Variants in GPI observed in about 807,000 individuals in gnomAD.
GPI encodes glucose-6-phosphate isomerase.
Under a neutral mutation model 75.8 loss-of-function variants are expected in GPI, and 56 were observed. The observed-to-expected ratio is 0.74, with a 90% CI of 0.60 to 0.92. The LOEUF (loss-of-function observed/expected upper bound fraction) is 0.92. Ranked by LOEUF, GPI falls within the 40% of genes least tolerant of loss-of-function variation. The pLI is 0.00. For synonymous variants in GPI, 288 were observed against 285.4 expected (o/e 1.01, Z -0.09); for missense variants, 638 against 741.0 (o/e 0.86, Z 1.61).
Position 34,379,510 on chromosome 19 carries a change from T to C in GPI, c.706-8T>C. On this transcript the variant is annotated splice_region_variant and splice_polypyrimidine_tract_variant and intron_variant, in intron 7 of 17. Transcript: ENST00000356487. ...CTGGCTGTGGTAACTTGGCTCTGTCTCTTGTAGCCTTCTGCAGTGGCGAAG... is the reference window on the plus strand; with the variant it reads ...CTGGCTGTGGTAACTTGGCTCTGTCCCTTGTAGCCTTCTGCAGTGGCGAAG... The C allele has an allele frequency of 6.2e-7, 1 of 1,613,924 alleles. No individual in the cohort carries two copies. The highest frequency in any genetic ancestry group is 1.1e-5 in the South Asian group (1 of 91,076).
At chr19:34,362,617 A>G (rs555577358), upstream of GPI, among the ~76,000 whole-genome samples, 1 of 152,170 alleles carries the variant, frequency 6.6e-6, no homozygotes, top group South Asian at 2.1e-4. Context: ...TGACAACTGA[A>G]CTCCAAACAG....
In GPI at chr19:34,365,230, G is replaced by C. The variant is rs759987877; in HGVS notation, c.-37G>C. 2.1e-6 allele frequency: 3 copies of C among 1,446,574 alleles called. No individual in the cohort carries two copies. The highest frequency in any genetic ancestry group is 1.5e-5 in the South Asian group (1 of 67,232). 89.6% of individuals were successfully genotyped at this position (1,446,574 alleles called of 1,614,324 possible). ...GCGCTGCCGGCGCTCCTTCCTCCTC[G>C]GCTCGCGTCTCACTCAGTGTACCTT... On this transcript the variant is annotated 5_prime_UTR_variant, in exon 1 of 18. Coordinates refer to ENST00000356487, the MANE Select transcript of GPI (RefSeq NM_000175.5).
intron 9 of GPI, among the ~76,000 whole-genome samples, chr19:34,388,493 A>C (rs1159619600): frequency 9.8e-5 from 13 of 132,660 alleles, no homozygotes; most frequent in African/African-American, 3.9e-4. Context: ...AAAGAAAGTG[A>C]GTAAAGTGAG....
At chr19:34,384,013 C>CAGACAGGTTTG (rs2074695332) in intron 9 of GPI, among the ~76,000 whole-genome samples, 1 of 152,106 alleles carries the variant, frequency 6.6e-6, no homozygotes, top group African/African-American at 2.4e-5. Context: ...GGCTGGGTTT[C>CAGACAGGTTTG]TAGGGGAGGC....
At chr19:34,377,321 AAAAAAAAAAAAAAAAATAT>A (rs1599822906) in intron 4 of GPI, among the ~76,000 whole-genome samples, 163 bp from the exon 5 acceptor site, 1 of 94,198 alleles carries the variant, frequency 1.1e-5, no homozygotes, top group African/African-American at 5.1e-5. Flanking sequence ...AAAAAAAAAA[AAAAAAAAAAAAAAAAATAT>A]ATATATATAT....
At chr19:34,366,517 G>A in intron 2 of GPI, 82 bp downstream of exon 2, 1 of 905,788 alleles carries the variant, frequency 1.1e-6, no homozygotes. Flanking sequence ...CCAGGACCTT[G>A]AGTATCTTGA....
intron 4 of GPI, among the ~76,000 whole-genome samples, chr19:34,370,879 CTG>C (rs1378957051): frequency 6.6e-6 from 1 of 152,244 alleles, no homozygotes. Context: ...GATTGTGCCA[CTG>C]TCCTCCAGCT....
chr19:34,390,372 C>G (rs75257591), intron 9 of GPI, among the ~76,000 whole-genome samples: 1 of 152,054 alleles, frequency 6.6e-6, no homozygotes, highest in East Asian at 1.9e-4. Context: ...AGGAAGCATA[C>G]CTGGGCACAA....
At chr19:34,392,581 G>A (rs79875393) in intron 9 of GPI, 40 of 3,426 alleles carry the variant, frequency 0.012, no homozygotes, top group Non-Finnish European at 0.018. Flanking sequence ...GGGTCTGTCA[G>A]TATCTGAGGA....
chr19:34,383,217 G>T, intron 9 of GPI, among the ~76,000 whole-genome samples: 1 of 152,248 alleles, frequency 6.6e-6, no homozygotes, highest in Non-Finnish European at 1.5e-5. Flanking sequence ...CACAGGGCCA[G>T]TTTTGGCTGG....
In GPI at chr19:34,365,467, G is replaced by A. The variant is rs578122723; in HGVS notation, c.122+79G>A. 1.4e-3 allele frequency: 2,115 copies of A among 1,512,180 alleles called. 6 individuals are homozygous for A. The highest frequency in any genetic ancestry group is 1.8e-3 in the South Asian group (154 of 83,460). 93.7% of individuals were successfully genotyped at this position (1,512,180 alleles called of 1,614,324 possible). On this transcript the variant is annotated intron_variant, in intron 1 of 17. Coordinates refer to ENST00000356487, the MANE Select transcript of GPI (RefSeq NM_000175.5). ...CGCGGGCCTGGGGTCTGGAGGCGGG[G>A]GCAGCGGTGCCCGGGGACCCCAGTC...
At chr19:34,361,591 C>T (rs761394267), upstream of GPI, among the ~76,000 whole-genome samples, 2 of 152,066 alleles carry the variant, frequency 1.3e-5, no homozygotes, top group Admixed American at 1.3e-4. Flanking sequence ...TCCAAAATGG[C>T]TTTGGATTAG....
intron 9 of GPI, among the ~76,000 whole-genome samples, chr19:34,381,957 G>T (rs1257730384): frequency 6.6e-6 from 1 of 152,168 alleles, no homozygotes; most frequent in Non-Finnish European, 1.5e-5. Flanking sequence ...GAGCTGGGGG[G>T]GTGGCGTAGA....
chr19:34,381,375 G>T (rs2074648452), intron 8 of GPI, 91 bp from the exon 9 acceptor site: 13 of 883,432 alleles, frequency 1.5e-5, no homozygotes, highest in South Asian at 2.6e-5. Context: ...TCAGCTCACG[G>T]AGCACAGCTC....
chr19:34,368,512 C>G, intron 3 of GPI, 71 bp from the exon 4 acceptor site: 1 of 1,560,646 alleles, frequency 6.4e-7, no homozygotes, highest in Non-Finnish European at 8.8e-7. Context: ...GCTATGGCAC[C>G]ATGCCCAGCT....
chr19:34,389,414 C>T (rs1356781775), intron 9 of GPI, among the ~76,000 whole-genome samples: 1 of 152,168 alleles, frequency 6.6e-6, no homozygotes, highest in Non-Finnish European at 1.5e-5. Flanking sequence ...ACCCTGCGGT[C>T]CCCACCCCTT....
chr19:34,376,846 G>A (rs888650465), intron 4 of GPI, among the ~76,000 whole-genome samples: 2 of 152,160 alleles, frequency 1.3e-5, no homozygotes, highest in Admixed American at 6.5e-5. Context: ...CCAGTAATTC[G>A]AGACCAGCCT....
At position 34,393,642 on chromosome 19, in the gene GPI, C is replaced by G. The variant is rs2074899746; in HGVS notation, c.866-86C>G. The G allele has an allele frequency of 1.5e-6, 2 of 1,306,726 alleles. No homozygotes were observed. The highest frequency in any genetic ancestry group is 1.4e-5 in the African/African-American group (1 of 69,178). 80.9% of individuals were successfully genotyped at this position (1,306,726 alleles called of 1,614,324 possible). The stretch of plus-strand genomic sequence containing the variant: ...CGTATCTTCTGGCTCTCCATGCAGC[C>G]TTCCTTCGTTGCAGAAGGAGCTGTG... On this transcript the variant is annotated intron_variant, in intron 10 of 17. Transcript: ENST00000356487. This position sits in a 1 kb window ranked among gnomAD's most constrained non-coding sequence, Gnocchi z 4.4.
chr19:34,367,693 C>T (rs8191365), intron 3 of GPI, among the ~76,000 whole-genome samples: 2,021 of 152,302 alleles, frequency 0.013, 21 homozygotes, highest in Non-Finnish European at 0.021. Context: ...ATTTCACTCA[C>T]GTGGCTGGGC....
Sources: allele counts gnomAD v4.1 joint callset (sites outside exome capture counted in the v4.1 genomes callset), GRCh38; gene constraint gnomAD v4.1.1; non-coding constraint Gnocchi (gnomAD v3.1); transcripts MANE v1.5; gene names NCBI Gene and HGNC (gene_info 2026-07-23, HGNC 2026-07-21).